The following COL22A1 variants were observed in gnomAD, a reference collection of about 807,000 sequenced individuals.
COL22A1 encodes collagen alpha-1(XXII) chain.
COL22A1 carries 221 observed loss-of-function variants against 248.9 expected under a neutral mutation model. The ratio of observed to expected loss-of-function variants is 0.89; its 90% CI spans 0.80 to 0.99. The LOEUF (loss-of-function observed/expected upper bound fraction) is 0.99, where lower values mean the gene tolerates loss of function less well. Among genes scored for constraint, COL22A1 ranks in the 50% least tolerant of loss-of-function variants. COL22A1 has a pLI of 0.00. For synonymous variants in COL22A1, 891 were observed against 793.4 expected, an observed-to-expected ratio of 1.12 and a Z score of -2.07; for missense variants, 2,240 against 2,179.0, an observed-to-expected ratio of 1.03 and a Z score of -0.56.
chr8:138,859,445 G>A lies in COL22A1; in HGVS notation c.659-15287C>T, dbSNP rs1405832982. ...CATGGCCCTCCCCGGAAGGCTGGTG[G>A]AGGTGGGCTCCTGGAATGGGCACTG... On this transcript the variant is annotated intron_variant, in intron 3 of 64. Transcript: ENST00000303045. Among the ~76,000 whole-genome samples the A allele has an allele frequency of 2.0e-5, 3 of 152,228 alleles. No homozygotes were observed. The South Asian group carries it at 6.2e-4, about 31-fold the overall frequency.
rs1272222445 is a variant in COL22A1 at position 138,878,124 on chromosome 8, A to G, written c.284T>C (p.Phe95Ser). The change falls in exon 3 of 65, where the codon TTT becomes TCT. Residue 95 changes from phenylalanine (F) to serine (S), a missense_variant. Phe to Ser is a radical substitution (Grantham distance 155, BLOSUM62 -2). Coordinates refer to ENST00000303045, the MANE Select transcript of COL22A1 (RefSeq NM_152888.3). ...CGCCTTGACCTCCTCCTGCGAGCCA[A>G]AGAGTCCCAACTCGAAGGCCGTGGT... is the stretch of plus-strand genomic sequence containing the variant. ...RPTTAFELGL[F>S]GSQEEVKAAA... is the part of the protein sequence containing the mutation. The G allele has an allele frequency of 1.2e-6, 2 of 1,605,616 alleles. No homozygotes were observed. The highest frequency in any genetic ancestry group is 1.3e-5 in the African/African-American group (1 of 74,878).
intron 44 of COL22A1, among the ~76,000 whole-genome samples, chr8:138,656,892 G>C (rs577427153): frequency 1.3e-5 from 2 of 152,272 alleles, no homozygotes; most frequent in Non-Finnish European, 2.9e-5. Flanking sequence ...TGCCATTTTG[G>C]GAAGGCTGAA....
intron 2 of COL22A1, among the ~76,000 whole-genome samples, chr8:138,881,988 C>T (rs533125186): frequency 7.2e-5 from 11 of 152,266 alleles, no homozygotes; most frequent in Admixed American, 6.5e-4. Context: ...AGTCAACTTT[C>T]CCAACTACCG....
At position 138,700,193 on chromosome 8, in the gene COL22A1, G is replaced by T. The variant is rs761594854; in HGVS notation, c.2560-49C>A. 6.3e-6 allele frequency: 10 copies of T among 1,591,514 alleles called. No homozygotes were observed. In the Admixed American group the frequency reaches 6.8e-5, roughly 11 times the overall value. ...AGAAAGATGGGCATCAAGGAACCCA[G>T]TGTTTCATTTTTAAAACCTGCCTTG... On this transcript the variant is annotated intron_variant, in intron 31 of 64. Coordinates refer to ENST00000303045, the MANE Select transcript of COL22A1 (RefSeq NM_152888.3).
intron 50 of COL22A1, among the ~76,000 whole-genome samples, chr8:138,629,728 T>A (rs1457466287): frequency 6.6e-6 from 1 of 152,210 alleles, no homozygotes; most frequent in South Asian, 2.1e-4. Flanking sequence ...CATAACCCCA[T>A]GGGACTCTGA....
At chr8:138,806,048 AGGT>A (rs1817631160) in intron 10 of COL22A1, among the ~76,000 whole-genome samples, 1 of 2,820 alleles carries the variant, frequency 3.5e-4, no homozygotes, top group Non-Finnish European at 6.4e-4. Flanking sequence ...GTGATGGTGT[AGGT>A]AATGGTGTGT....
At chr8:138,886,953 T>C (rs1824712935) in intron 1 of COL22A1, among the ~76,000 whole-genome samples, 1 of 152,148 alleles carries the variant, frequency 6.6e-6, no homozygotes, top group Non-Finnish European at 1.5e-5. Context: ...TGTATGTATT[T>C]ATGGGGTACA....
chr8:138,886,426 G>A (rs930132957), intron 1 of COL22A1, among the ~76,000 whole-genome samples: 1 of 152,138 alleles, frequency 6.6e-6, no homozygotes, highest in African/African-American at 2.4e-5. Flanking sequence ...GAAGAGCAGA[G>A]GGGAAGGAGG....
At chr8:138,655,492 G>GAGGT (rs1485738123) in intron 45 of COL22A1, among the ~76,000 whole-genome samples, 44 of 152,236 alleles carry the variant, frequency 2.9e-4, no homozygotes, top group African/African-American at 1.0e-3. Context: ...CTGAGTCGCT[G>GAGGT]GGACCACAGG....
chr8:138,898,853 C>G (rs1210340850), intron 1 of COL22A1, among the ~76,000 whole-genome samples: 1 of 152,188 alleles, frequency 6.6e-6, no homozygotes, highest in Admixed American at 6.5e-5. Context: ...AACATCTGAA[C>G]TGGTCTCCTT....
At chr8:138,807,942 T>C (rs1174846906) in intron 9 of COL22A1, 130 bp from the exon 10 acceptor site, 3 of 841,494 alleles carry the variant, frequency 3.6e-6, no homozygotes, top group Non-Finnish European at 3.8e-6. Flanking sequence ...GACCAATGAG[T>C]TGGGCAAGGA....
intron 4 of COL22A1, among the ~76,000 whole-genome samples, chr8:138,835,022 C>G (rs1164233968): frequency 3.3e-5 from 5 of 152,126 alleles, no homozygotes. Flanking sequence ...TGGAGAGGAA[C>G]AGAGCTGGGG....
At chr8:138,696,899 G>A (rs1827551490) in intron 32 of COL22A1, among the ~76,000 whole-genome samples, 1 of 152,174 alleles carries the variant, frequency 6.6e-6, no homozygotes, top group African/African-American at 2.4e-5. Flanking sequence ...ACTACCCATG[G>A]TGGGGATTTG....
chr8:138,826,808 C>T, intron 5 of COL22A1, 27 bp from the exon 6 acceptor site: 1 of 1,612,636 alleles, frequency 6.2e-7, no homozygotes, highest in Non-Finnish European at 8.5e-7. Context: ...ACAAAGACAC[C>T]AGGCTTGGCG....
chr8:138,894,278 ACT>A (rs142658543), intron 1 of COL22A1, among the ~76,000 whole-genome samples: 18,256 of 152,080 alleles, frequency 0.12, 1,404 homozygotes, highest in East Asian at 0.25. Context: ...GATTTAGGAA[ACT>A]CTGTTGACAA....
intron 35 of COL22A1, among the ~76,000 whole-genome samples, chr8:138,691,277 ATATG>A (rs1474000292): frequency 1.3e-5 from 2 of 152,228 alleles, no homozygotes; most frequent in East Asian, 3.8e-4. Flanking sequence ...TCTCAGTTGC[ATATG>A]TATGTGTATG....
At chr8:138,663,012 TCACTCA>T (rs1824115087) in intron 42 of COL22A1, among the ~76,000 whole-genome samples, 1 of 140,772 alleles carries the variant, frequency 7.1e-6, no homozygotes, top group East Asian at 2.1e-4. Context: ...CAGGACTCTG[TCACTCA>T]CACACACACA....
chr8:138,811,707 C>T, intron 9 of COL22A1, 92 bp downstream of exon 9: 2 of 1,481,956 alleles, frequency 1.3e-6, no homozygotes, highest in African/African-American at 1.4e-5. Context: ...CTCCTGGTGC[C>T]CCCCTGACCT....
chr8:138,663,341 A>G (rs11775437), intron 42 of COL22A1, among the ~76,000 whole-genome samples: 12,017 of 152,254 alleles, frequency 0.079, 634 homozygotes, highest in African/African-American at 0.14. Flanking sequence ...AGCAATCCCC[A>G]TGTTGGCTCA....
Sources: allele counts gnomAD v4.1 joint callset (sites outside exome capture counted in the v4.1 genomes callset), GRCh38; gene constraint gnomAD v4.1.1; transcripts MANE v1.5; gene names NCBI Gene and HGNC (gene_info 2026-07-23, HGNC 2026-07-21).